Variants in LRIG2 observed in about 807,000 individuals in gnomAD.
The protein encoded by LRIG2 is leucine rich repeats and immunoglobulin like domains 2.
In LRIG2, 93 loss-of-function variants were observed where a neutral mutation model predicts 107.8. That is an observed-to-expected ratio of 0.86 (90% CI 0.73 to 1.03). LRIG2 has a LOEUF of 1.03. Ranked by LOEUF, LRIG2 falls within the 50% of genes least tolerant of loss-of-function variation. LRIG2 has a pLI of 0.00. For synonymous variants in LRIG2, 471 were observed against 470.6 expected, an observed-to-expected ratio of 1.00 and a Z score of -0.01; for missense variants, 1,226 against 1,296.0, an observed-to-expected ratio of 0.95 and a Z score of 0.83.
intron 2 of LRIG2, among the ~76,000 whole-genome samples, chr1:113,092,129 T>C (rs2101032811): frequency 6.6e-6 from 1 of 152,344 alleles, no homozygotes; most frequent in Non-Finnish European, 1.5e-5. Flanking sequence ...GACAAGTTTG[T>C]TAGCTGAAAG....
At chr1:113,119,093 G>A in intron 16 of LRIG2, 140 bp from the exon 17 acceptor site, 1 of 703,374 alleles carries the variant, frequency 1.4e-6, no homozygotes, top group Non-Finnish European at 2.4e-6. Context: ...CACAGAAATG[G>A]CTTGAAACTT....
intron 1 of LRIG2, among the ~76,000 whole-genome samples, chr1:113,074,220 T>C (rs1652852874): frequency 6.6e-6 from 1 of 152,216 alleles, no homozygotes; most frequent in African/African-American, 2.4e-5. Flanking sequence ...TAATTCAGAA[T>C]ATCTTTGTAA....
intron 1 of LRIG2, among the ~76,000 whole-genome samples, chr1:113,087,453 A>G (rs1653607541): frequency 6.6e-6 from 1 of 152,112 alleles, no homozygotes; most frequent in African/African-American, 2.4e-5. Context: ...GGTTCAAGCG[A>G]TTCTCCTGCC....
Position 113,116,369 on chromosome 1 carries a change from C to T in LRIG2, c.2613C>T (p.Asn871=), listed in dbSNP as rs1423682224. The change falls in exon 16 of 18, where the codon AAC becomes AAT. Residue 871 remains asparagine (N), a synonymous_variant. Transcript: ENST00000361127. Reference sequence around the variant, plus strand: ...CTGAGCCACAGGAAGGCTACAGCAACTCTGAGGCAGGCAGTCATCAGCAAC... The same window carrying T: ...CTGAGCCACAGGAAGGCTACAGCAATTCTGAGGCAGGCAGTCATCAGCAAC... ...TLSEPQEGYS[N]SEAGSHQQLM... 2.5e-6 allele frequency: 4 copies of T among 1,614,054 alleles called. No homozygotes were observed. Among genetic ancestry groups the T allele is most frequent in the Admixed American group, 1.7e-5 (1 of 60,024 alleles).
At chr1:113,083,107 C>T (rs1330639662) in intron 1 of LRIG2, among the ~76,000 whole-genome samples, 11 of 151,726 alleles carry the variant, frequency 7.2e-5, no homozygotes, top group Non-Finnish European at 2.9e-5. Context: ...GACAGGGTCT[C>T]GCCATGTTGC....
chr1:113,123,050 C>A (rs1655329359), intron 17 of LRIG2, among the ~76,000 whole-genome samples: 1 of 152,164 alleles, frequency 6.6e-6, no homozygotes, highest in African/African-American at 2.4e-5. Context: ...AACCAGTGTG[C>A]AGATAATCTG....
rs1015254293 is a variant in LRIG2 at position 113,073,517 on chromosome 1, C to T, written c.111C>T (p.Ala37=). 3 of 1,613,988 alleles carry T rather than the reference C, an allele frequency of 1.9e-6. No homozygotes were observed. The highest frequency in any genetic ancestry group is 2.2e-5 in the East Asian group (1 of 44,878). Residue 37 remains alanine (A), a synonymous_variant, in exon 1 of 18, where the codon GCC becomes GCT. Transcript: ENST00000361127. The part of the protein sequence containing the change: ...IAQTALLLLP[A]AGAGLCPAPC... Reference sequence around the variant, plus strand: ...AGACCGCTCTCCTCCTGTTGCCCGCCGCCGGAGCAGGTCTCTGCCCCGCGC... The same window carrying T: ...AGACCGCTCTCCTCCTGTTGCCCGCTGCCGGAGCAGGTCTCTGCCCCGCGC...
intron 13 of LRIG2, among the ~76,000 whole-genome samples, chr1:113,112,004 A>G (rs1420385098): frequency 2.0e-5 from 3 of 152,348 alleles, no homozygotes; most frequent in Admixed American, 6.5e-5. Flanking sequence ...CGAAGTTCAA[A>G]GAAGGTTTGT....
At chr1:113,101,157 G>T (rs1387480776) in intron 11 of LRIG2, among the ~76,000 whole-genome samples, 1 of 152,044 alleles carries the variant, frequency 6.6e-6, no homozygotes, top group African/African-American at 2.4e-5. Context: ...TGCAACCTCT[G>T]CCTCCTGGGT....
intron 11 of LRIG2, among the ~76,000 whole-genome samples, chr1:113,106,296 T>G (rs998438454): frequency 1.3e-5 from 2 of 152,152 alleles, no homozygotes; most frequent in Admixed American, 6.5e-5. Flanking sequence ...TGCCAAACAT[T>G]AAACTTGATA....
intron 13 of LRIG2, among the ~76,000 whole-genome samples, chr1:113,111,089 C>CA (rs969325924): frequency 3.9e-5 from 6 of 152,180 alleles, no homozygotes; most frequent in Non-Finnish European, 8.8e-5. Context: ...GGATGGAATG[C>CA]AGTGGCATGA....
Position 113,094,258 on chromosome 1 carries a change from CAT to C in LRIG2, c.516-79_516-78del, listed in dbSNP as rs1653949904. 51 of 978,950 alleles carry C rather than the reference CAT, an allele frequency of 5.2e-5. No homozygotes were observed. In the South Asian group the frequency reaches 8.0e-4, roughly 15 times the overall value. 60.6% of individuals were successfully genotyped at this position (978,950 alleles called of 1,614,324 possible). A position where few individuals can be genotyped will look rare whatever the true frequency, so the allele number is the denominator to read the frequency against. ...TAAGTGATAGAGCTGGGGGCTTAGA[CAT>C]AGATTTTTGGCAGCTTTCTAGTGGT... On this transcript the variant is annotated intron_variant, in intron 4 of 17. Transcript: ENST00000361127.
chr1:113,073,489 C>T lies in LRIG2; in HGVS notation c.83C>T (p.Ala28Val). The stretch of plus-strand genomic sequence containing the variant: ...GTGCTTTCTCGGTTACTCTTCATTG[C>T]CCAGACCGCTCTCCTCCTGTTGCCC... ...SRVLSRLLFI[A>V]QTALLLLPAA... The change falls in exon 1 of 18, where the codon GCC (alanine) becomes GTC (valine). Residue 28 changes from alanine (A) to valine (V), a missense_variant. Ala to Val is a moderately conservative substitution (Grantham distance 64, BLOSUM62 0). Around this residue, in one of 3 missense-constraint regions of LRIG2, gnomAD observed 570 missense variants for 550.2 expected, o/e 1.04. Coordinates refer to ENST00000361127, the MANE Select transcript of LRIG2 (RefSeq NM_014813.3). The T allele has an allele frequency of 6.2e-7, 1 of 1,614,172 alleles. No homozygotes were observed. The highest frequency in any genetic ancestry group is 8.5e-7 in the Non-Finnish European group (1 of 1,180,032).
intron 15 of LRIG2, among the ~76,000 whole-genome samples, chr1:113,115,365 C>G (rs753231399): frequency 5.3e-5 from 8 of 152,068 alleles, no homozygotes; most frequent in Non-Finnish European, 1.2e-4. Context: ...TAGGCATGTG[C>G]CACCGCGCCT....
chr1:113,073,705 G>T (rs1426557535), intron 1 of LRIG2, 60 bp downstream of exon 1: 4 of 1,489,116 alleles, frequency 2.7e-6, no homozygotes, highest in African/African-American at 2.8e-5. Flanking sequence ...TCTACAGGGG[G>T]CAGGCAGGAG....
intron 17 of LRIG2, among the ~76,000 whole-genome samples, chr1:113,123,418 T>C (rs944758837): frequency 4.6e-5 from 7 of 151,934 alleles, no homozygotes; most frequent in Non-Finnish European, 1.0e-4. Context: ...CTACTAAATA[T>C]ACAAAATTAG....
chr1:113,091,432 TTAA>T (rs1365692522), intron 2 of LRIG2, 49 bp downstream of exon 2: 1 of 1,232,164 alleles, frequency 8.1e-7, no homozygotes, highest in African/African-American at 1.5e-5. Flanking sequence ...CTGAGGGAAC[TTAA>T]TAAATTGTGA....
intron 1 of LRIG2, among the ~76,000 whole-genome samples, chr1:113,076,119 C>A (rs141949199): frequency 6.6e-6 from 1 of 151,942 alleles, no homozygotes; most frequent in African/African-American, 2.4e-5. Flanking sequence ...GATTCTCCTG[C>A]CTCAGACTCC....
intron 1 of LRIG2, among the ~76,000 whole-genome samples, chr1:113,075,456 T>C (rs1386209023): frequency 2.0e-5 from 3 of 152,188 alleles, no homozygotes; most frequent in African/African-American, 4.8e-5. Context: ...AGTAAGATGC[T>C]TTCTCTTTCA....
Sources: gnomAD v4.1 joint callset for allele counts (sites outside exome capture counted in the v4.1 genomes callset) on GRCh38, gnomAD v4.1.1 for gene constraint, gnomAD v4.1.1 regional missense constraint, MANE v1.5 for transcripts, NCBI Gene and HGNC (gene_info 2026-07-23, HGNC 2026-07-21) for gene names.